The following STPG2 variants were observed in gnomAD, a reference collection of about 807,000 sequenced individuals.
STPG2 encodes the protein sperm-tail PG-rich repeat-containing protein 2.
Under a neutral mutation model 54.2 loss-of-function variants are expected in STPG2, and 56 were observed. The ratio of observed to expected loss-of-function variants is 1.03; its 90% CI spans 0.83 to 1.29. The LOEUF (loss-of-function observed/expected upper bound fraction) is 1.29, where lower values mean the gene tolerates loss of function less well. STPG2 is among the 50% of genes most tolerant of loss of function. The pLI is 0.00. For synonymous variants in STPG2, 200 were observed against 181.8 expected, an observed-to-expected ratio of 1.10 and a Z score of -0.81; for missense variants, 596 against 544.9, an observed-to-expected ratio of 1.09 and a Z score of -0.93.
At chr4:97,760,735 T>A (rs1725866821) in intron 9 of STPG2, among the ~76,000 whole-genome samples, 1 of 152,212 alleles carries the variant, frequency 6.6e-6, no homozygotes, top group African/African-American at 2.4e-5. Flanking sequence ...TTCCCATTGC[T>A]GCTGTAACAA....
At chr4:97,943,526 C>T (rs893451694) in intron 8 of STPG2, among the ~76,000 whole-genome samples, 5 of 120,476 alleles carry the variant, frequency 4.2e-5, no homozygotes, top group Non-Finnish European at 1.8e-5. Flanking sequence ...ACTCGGGAGT[C>T]TTAGATTTCA....
chr4:97,889,882 G>A (rs191772188), intron 8 of STPG2, among the ~76,000 whole-genome samples: 2 of 152,226 alleles, frequency 1.3e-5, no homozygotes, highest in Admixed American at 1.3e-4. Context: ...TTAGCTACAG[G>A]ATAGGAGTTT....
chr4:97,939,446 T>C (rs1732892597), intron 8 of STPG2, among the ~76,000 whole-genome samples: 1 of 152,240 alleles, frequency 6.6e-6, no homozygotes, highest in Non-Finnish European at 1.5e-5. Context: ...TGTCTCTTTG[T>C]AGGTCTCTAA....
At chr4:97,777,410 T>C (rs1726414832) in intron 9 of STPG2, among the ~76,000 whole-genome samples, 1 of 152,198 alleles carries the variant, frequency 6.6e-6, no homozygotes, top group Non-Finnish European at 1.5e-5. Context: ...TAAGCATGCC[T>C]CCCAGGCAGC....
At chr4:97,942,889 A>G (rs1371378584) in intron 8 of STPG2, among the ~76,000 whole-genome samples, 7 of 152,184 alleles carry the variant, frequency 4.6e-5, no homozygotes, top group African/African-American at 1.4e-4. Flanking sequence ...AGATAGTCCA[A>G]TTTCTACAAA....
intron 3 of STPG2, among the ~76,000 whole-genome samples, chr4:98,112,645 T>C (rs1444242117): frequency 6.6e-6 from 1 of 152,168 alleles, no homozygotes; most frequent in South Asian, 2.1e-4. Context: ...CAGAAAATTA[T>C]AGTTTTTCTA....
At chr4:98,065,574 A>C (rs1737809035) in intron 5 of STPG2, among the ~76,000 whole-genome samples, 1 of 152,206 alleles carries the variant, frequency 6.6e-6, no homozygotes, top group South Asian at 2.1e-4. Flanking sequence ...ATAAGATATT[A>C]ACTTATTCAA....
chr4:97,501,000 C>T (rs562067622), intron 4 of STPG2, among the ~76,000 whole-genome samples: 1 of 152,040 alleles, frequency 6.6e-6, no homozygotes, highest in South Asian at 2.1e-4. Context: ...CATGTAAGAA[C>T]CTGTTTTTCT....
intron 9 of STPG2, among the ~76,000 whole-genome samples, chr4:97,829,100 G>A (rs7669407): frequency 0.39 from 59,896 of 151,920 alleles, 11,949 homozygotes; most frequent in Middle Eastern, 0.46. Flanking sequence ...AGTAGGGGTC[G>A]ACAGACACCT....
chr4:97,733,972 C>T (rs954824771), intron 9 of STPG2, among the ~76,000 whole-genome samples: 2 of 152,146 alleles, frequency 1.3e-5, no homozygotes, highest in Non-Finnish European at 2.9e-5. Context: ...TTCCCTTCTT[C>T]CTTTCTGATT....
chr4:97,984,025 G>A (rs1048457499), intron 5 of STPG2, among the ~76,000 whole-genome samples: 2 of 151,816 alleles, frequency 1.3e-5, no homozygotes, highest in Non-Finnish European at 2.9e-5. Context: ...CCTTAACAAT[G>A]AAAACCATAC....
In STPG2 at chr4:97,815,074, C is replaced by T. The variant is rs116440868; in HGVS notation, c.1204+25699G>A. On this transcript the variant is annotated intron_variant, in intron 9 of 10. Transcript: ENST00000295268. ...ACCAACGTCCTGCACTTTTCAGAAA[C>T]GAAGGTATGGGTCATATCACCAGGT... Among the ~76,000 whole-genome samples, 698 of 152,214 alleles carry T rather than the reference C, an allele frequency of 4.6e-3. 2 individuals are homozygous for T. The highest frequency in any genetic ancestry group is 0.016 in the African/African-American group (661 of 41,528).
At chr4:97,747,279 A>G (rs1444391113) in intron 9 of STPG2, among the ~76,000 whole-genome samples, 4 of 151,340 alleles carry the variant, frequency 2.6e-5, no homozygotes, top group African/African-American at 9.7e-5. Context: ...TTTTTATTAC[A>G]CCCATTTATT....
At chr4:97,757,492 T>C (rs1233608937) in intron 9 of STPG2, among the ~76,000 whole-genome samples, 1 of 152,180 alleles carries the variant, frequency 6.6e-6, no homozygotes, top group African/African-American at 2.4e-5. Context: ...ATAAACACTT[T>C]GCAAAGTCCT....
intron 10 of STPG2, among the ~76,000 whole-genome samples, chr4:97,613,270 C>T (rs1260406880): frequency 6.6e-6 from 1 of 151,954 alleles, no homozygotes; most frequent in Non-Finnish European, 1.5e-5. Context: ...ATGACCTTGG[C>T]AGTATTGAAG....
At chr4:97,480,814 C>T (rs1235800354) in intron 4 of STPG2, among the ~76,000 whole-genome samples, 2 of 151,498 alleles carry the variant, frequency 1.3e-5, no homozygotes, top group Non-Finnish European at 3.0e-5. Context: ...ACTCTGGTTA[C>T]AATCTGAATA....
At chr4:97,882,621 A>G (rs1159910821) in intron 8 of STPG2, among the ~76,000 whole-genome samples, 1 of 152,290 alleles carries the variant, frequency 6.6e-6, no homozygotes, top group Non-Finnish European at 1.5e-5. Flanking sequence ...CTAAGCAAGA[A>G]GTAATATGAG....
chr4:97,457,941 A>G (rs1412312518), intron 4 of STPG2, among the ~76,000 whole-genome samples: 2 of 152,256 alleles, frequency 1.3e-5, no homozygotes, highest in African/African-American at 4.8e-5. Flanking sequence ...TTGCACTGTT[A>G]GGTGAAAAAA....
chr4:97,875,729 A>C (rs1235021918), intron 8 of STPG2, among the ~76,000 whole-genome samples: 2 of 144,668 alleles, frequency 1.4e-5, no homozygotes, highest in African/African-American at 5.6e-5. Context: ...ATTAGTATGC[A>C]AATATTAAGA....
Sources: allele counts gnomAD v4.1 joint callset (sites outside exome capture counted in the v4.1 genomes callset), GRCh38; gene constraint gnomAD v4.1.1; transcripts MANE v1.5; gene names NCBI Gene and HGNC (gene_info 2026-07-23, HGNC 2026-07-21).